Variants in PSD2 observed in about 807,000 individuals in gnomAD.
PSD2 encodes pleckstrin and Sec7 domain containing 2.
Under a neutral mutation model 69.8 loss-of-function variants are expected in PSD2, and 38 were observed. That is an observed-to-expected ratio of 0.54 (90% CI 0.42 to 0.71). The LOEUF (loss-of-function observed/expected upper bound fraction) is 0.71. Among genes scored for constraint, PSD2 ranks in the 30% least tolerant of loss-of-function variants. The pLI is 0.00. For synonymous variants in PSD2, 412 were observed against 423.0 expected (o/e 0.97, Z 0.32); for missense variants, 943 against 1,014.5 (o/e 0.93, Z 0.96).
rs1760077420 is a variant in PSD2, at chr5:139,814,819, C to T, written c.1016+455C>T. 6.6e-6 allele frequency among the ~76,000 whole-genome samples: 1 copy of T among 152,088 alleles called. No individual in the cohort carries two copies. On this transcript the variant is annotated intron_variant, in intron 4 of 14. Transcript: ENST00000274710. This position sits in a 1 kb window ranked among gnomAD's most constrained non-coding sequence, Gnocchi z 4.4. ...GGGACAAGCTGAAGGGGCTGAAGCC[C>T]CCAAAGCACACACCCTGGCCTTCAG...
chr5:139,823,306 C>T (rs1760321243), intron 7 of PSD2, among the ~76,000 whole-genome samples: 1 of 152,166 alleles, frequency 6.6e-6, no homozygotes, highest in Admixed American at 6.5e-5. Context: ...CTCTCTTGCC[C>T]TCGCAGGTGG....
At position 139,842,629 on chromosome 5, in the gene PSD2, G is replaced by A. The variant is rs576447816; in HGVS notation, c.*155G>A. The A allele has an allele frequency of 2.8e-5, 18 of 651,348 alleles. No individual in the cohort carries two copies. Among genetic ancestry groups the A allele is most frequent in the Admixed American group, 1.1e-4 (4 of 36,188 alleles). 40.3% of individuals were successfully genotyped at this position (651,348 alleles called of 1,614,324 possible). ...TGTGGGCCCAGGAGATGGAGATGCC[G>A]TTTGTGGCGTTGATCTCCTTGCGTC... On this transcript the variant is annotated 3_prime_UTR_variant, in exon 15 of 15. Transcript: ENST00000274710.
At chr5:139,833,095 C>G (rs1390092926) in intron 7 of PSD2, among the ~76,000 whole-genome samples, 1 of 152,132 alleles carries the variant, frequency 6.6e-6, no homozygotes, top group Admixed American at 6.5e-5. Flanking sequence ...TGCTGCCCCT[C>G]TGTGCAGGTG....
At position 139,813,192 on chromosome 5, in the gene PSD2, A is replaced by C. The variant is rs111955919; in HGVS notation, c.372-117A>C. On this transcript the variant is annotated intron_variant, in intron 2 of 14. Transcript: ENST00000274710. The stretch of plus-strand genomic sequence containing the variant: ...TAGTATTGGCTGAAGGGATAAGTGA[A>C]TAGGATGGGGGAGTGGTGTGCCCCC... The C allele has an allele frequency of 1.2e-4, 89 of 752,774 alleles. No homozygotes were observed. The African/African-American group carries it at 1.4e-3, about 12-fold the overall frequency. 46.6% of individuals were successfully genotyped at this position (752,774 alleles called of 1,614,324 possible). A position where few individuals can be genotyped will look rare whatever the true frequency, so the allele number is the denominator to read the frequency against.
At chr5:139,768,165 A>G in the PSD2 span, among the ~76,000 whole-genome samples, 1 of 152,240 alleles carries the variant, frequency 6.6e-6, no homozygotes, top group Non-Finnish European at 1.5e-5. Flanking sequence ...CCTTTCCTGC[A>G]AAGGGAATAT....
chr5:139,752,775 CAG>C, the PSD2 span, among the ~76,000 whole-genome samples: 1 of 152,230 alleles, frequency 6.6e-6, no homozygotes, highest in Non-Finnish European at 1.5e-5. Context: ...CAGCCCCCCT[CAG>C]AGAGCTGGCT....
Position 139,838,481 on chromosome 5 carries a change from C to A in PSD2, c.1824-147C>A, listed in dbSNP as rs1038094375. The A allele has an allele frequency of 8.4e-6, 7 of 832,782 alleles. No homozygotes were observed. The Admixed American group carries it at 1.3e-4, about 15-fold the overall frequency. The allele number at this position is 832,782 out of a possible 1,614,324, so 51.6% of individuals were successfully genotyped here. A position where few individuals can be genotyped will look rare whatever the true frequency, so the allele number is the denominator to read the frequency against. On this transcript the variant is annotated intron_variant, in intron 12 of 14. Coordinates refer to ENST00000274710, the MANE Select transcript of PSD2 (RefSeq NM_032289.4). ...GCTCTGGCCAGGCCCATCCAGCCCC[C>A]ATGTGTCCTCCCTCTCCCCTTTATC...
the PSD2 span, among the ~76,000 whole-genome samples, chr5:139,766,959 T>C: frequency 7.1e-6 from 1 of 140,456 alleles, no homozygotes; most frequent in Non-Finnish European, 1.5e-5. Flanking sequence ...CTTTCTTTCT[T>C]TCTTTCTTTC....
chr5:139,753,303 C>T, the PSD2 span, among the ~76,000 whole-genome samples: 1 of 152,148 alleles, frequency 6.6e-6, no homozygotes, highest in Non-Finnish European at 1.5e-5. Context: ...GGAAAGCCTC[C>T]ATTCAGGGCC....
rs1408483656 is a variant in PSD2 at position 139,813,755 on chromosome 5, C to G, written c.818C>G (p.Ala273Gly). The change falls in exon 3 of 15, where the codon GCC (alanine) becomes GGC (glycine). Residue 273 changes from alanine to glycine, a missense_variant. By Grantham distance (60) the Ala-to-Gly change is moderately conservative. Around this residue, in one of 3 missense-constraint regions of PSD2, gnomAD observed 466 missense variants for 445.0 expected, o/e 1.05. Transcript: ENST00000274710. Reference sequence around the variant, plus strand: ...GACACGGACAAGTTGCTGAACTCAGCCAGGTGAGGCAGGGCCCAGGCTGGG... The same window carrying G: ...GACACGGACAAGTTGCTGAACTCAGGCAGGTGAGGCAGGGCCCAGGCTGGG... The part of the protein sequence containing the change: ...EEDTDKLLNS[A>G]SDPSLKDGLS... The G allele has an allele frequency of 4.4e-6, 7 of 1,598,248 alleles. No homozygotes were observed. Among genetic ancestry groups the G allele is most frequent in the Non-Finnish European group, 6.0e-6 (7 of 1,170,342 alleles).
intron 1 of PSD2, among the ~76,000 whole-genome samples, chr5:139,806,997 G>A (rs1759825699): frequency 1.3e-5 from 2 of 152,232 alleles, no homozygotes; most frequent in Non-Finnish European, 2.9e-5. Flanking sequence ...AGGTAGGGCT[G>A]GAGCTAGCCT....
intron 9 of PSD2, 101 bp from the exon 10 acceptor site, chr5:139,836,710 C>T (rs1195791925): frequency 3.8e-6 from 4 of 1,041,396 alleles, no homozygotes; most frequent in Non-Finnish European, 5.8e-6. Flanking sequence ...GCTCTTCCTC[C>T]ATGACCCTGG....
chr5:139,756,695 C>T, the PSD2 span, among the ~76,000 whole-genome samples: 2 of 152,114 alleles, frequency 1.3e-5, no homozygotes, highest in Non-Finnish European at 2.9e-5. Context: ...TGTTGTCTTA[C>T]AAGGGTTAGG....
intron 5 of PSD2, among the ~76,000 whole-genome samples, chr5:139,819,290 G>C (rs1760198090): frequency 6.6e-6 from 1 of 152,176 alleles, no homozygotes; most frequent in Non-Finnish European, 1.5e-5. Context: ...ATAGGGTCCA[G>C]GCCCTCGGAG....
the PSD2 span, among the ~76,000 whole-genome samples, chr5:139,750,444 A>G: frequency 1.3e-5 from 2 of 152,274 alleles, no homozygotes; most frequent in African/African-American, 4.8e-5. Flanking sequence ...TCCTAGCCTC[A>G]GGAGGGCTGC....
intron 6 of PSD2, among the ~76,000 whole-genome samples, chr5:139,822,327 G>C (rs771611412): frequency 6.6e-6 from 1 of 152,176 alleles, no homozygotes; most frequent in Non-Finnish European, 1.5e-5. Context: ...GGTCTAGGTC[G>C]GGGTCCTCTT....
In PSD2 at chr5:139,837,966, GTC is replaced by G. The variant is rs916348421; in HGVS notation, c.1823+190_1823+191del. On this transcript the variant is annotated intron_variant, in intron 12 of 14. Transcript: ENST00000274710. The surrounding 1 kb of genome is among the most constrained non-coding windows in gnomAD (Gnocchi z 5.0). The stretch of plus-strand genomic sequence containing the variant: ...GTGGTTCCCCTCAGCATCATTTGCA[GTC>G]TCTCTGGCCCCACCTTAGACCTACT... Among the ~76,000 whole-genome samples the G allele has an allele frequency of 1.3e-5, 2 of 152,226 alleles. No homozygotes were observed. Among genetic ancestry groups the G allele is most frequent in the African/African-American group, 4.8e-5 (2 of 41,456 alleles).
intron 2 of PSD2, among the ~76,000 whole-genome samples, chr5:139,812,737 C>T (rs1760003526): frequency 6.6e-6 from 1 of 152,162 alleles, no homozygotes. Flanking sequence ...AAGAACCTCC[C>T]AGGTTGTGGG....
chr5:139,836,397 G>T (rs1188341472), intron 9 of PSD2, among the ~76,000 whole-genome samples: 1 of 152,210 alleles, frequency 6.6e-6, no homozygotes, highest in African/African-American at 2.4e-5. Flanking sequence ...GGGGGCCCAG[G>T]CTTCAGGGCC....
Sources: gnomAD v4.1 joint callset for allele counts (sites outside exome capture counted in the v4.1 genomes callset) on GRCh38, gnomAD v4.1.1 for gene constraint, gnomAD v4.1.1 regional missense constraint, Gnocchi (gnomAD v3.1) non-coding constraint, MANE v1.5 for transcripts, NCBI Gene and HGNC (gene_info 2026-07-23, HGNC 2026-07-21) for gene names.